The following NELL1 variants were observed in gnomAD, a reference collection of about 807,000 sequenced individuals.
The protein encoded by NELL1 is neural EGFL like 1.
In NELL1, 76 loss-of-function variants were observed where a neutral mutation model predicts 107.4. The ratio of observed to expected loss-of-function variants is 0.71; its 90% CI spans 0.59 to 0.86. The LOEUF is 0.86. NELL1 is among the 40% of genes least tolerant of loss of function. The pLI, the probability that NELL1 is intolerant of heterozygous loss-of-function variation, is 0.00. For synonymous variants in NELL1, 353 were observed against 341.2 expected, an observed-to-expected ratio of 1.03 and a Z score of -0.38; for missense variants, 1,024 against 1,005.5, an observed-to-expected ratio of 1.02 and a Z score of -0.25.
chr11:21,453,934 ATACTT>A (rs71443788), intron 15 of NELL1, among the ~76,000 whole-genome samples: 62,370 of 148,420 alleles, frequency 0.42, 13,275 homozygotes, highest in Middle Eastern at 0.49. Flanking sequence ...TTTTATTATT[ATACTT>A]TACTTTACTT....
chr11:21,300,963 T>C (rs147829183), intron 14 of NELL1, among the ~76,000 whole-genome samples: 2,409 of 152,226 alleles, frequency 0.016, 27 homozygotes, highest in Non-Finnish European at 0.025. Flanking sequence ...TTCTCATTGT[T>C]CAATTCCCAC....
At chr11:21,089,260 C>T (rs527395180) in intron 12 of NELL1, among the ~76,000 whole-genome samples, 101 of 152,314 alleles carry the variant, frequency 6.6e-4, no homozygotes, top group Middle Eastern at 3.4e-3. Flanking sequence ...GGTTTAATTA[C>T]ATTAATTTGT....
chr11:20,709,305 C>G (rs1855053844), intron 2 of NELL1, among the ~76,000 whole-genome samples: 1 of 152,090 alleles, frequency 6.6e-6, no homozygotes, highest in Non-Finnish European at 1.5e-5. Context: ...TATTCTTTCC[C>G]TACTTTGTAT....
intron 5 of NELL1, among the ~76,000 whole-genome samples, chr11:20,891,372 T>C (rs766630412): frequency 6.6e-6 from 1 of 151,848 alleles, no homozygotes; most frequent in Non-Finnish European, 1.5e-5. Context: ...ACAATAAATA[T>C]GGAAAGGAAA....
intron 4 of NELL1, among the ~76,000 whole-genome samples, chr11:20,873,008 T>A (rs1368200682): frequency 6.6e-6 from 1 of 152,208 alleles, no homozygotes; most frequent in Non-Finnish European, 1.5e-5. Flanking sequence ...GAGTCCTGGT[T>A]ACCAATGTCT....
At chr11:21,545,913 T>G (rs1856430315) in intron 16 of NELL1, among the ~76,000 whole-genome samples, 1 of 151,956 alleles carries the variant, frequency 6.6e-6, no homozygotes, top group South Asian at 2.1e-4. Flanking sequence ...GCTCTGTGGG[T>G]AAGGGCCTAG....
intron 14 of NELL1, among the ~76,000 whole-genome samples, chr11:21,296,186 T>C (rs1462566446): frequency 6.6e-6 from 1 of 151,924 alleles, no homozygotes; most frequent in Non-Finnish European, 1.5e-5. Context: ...TAATACCGGG[T>C]ATTATCCCAG....
At chr11:20,769,065 C>A (rs79718784) in intron 2 of NELL1, among the ~76,000 whole-genome samples, 29 of 151,750 alleles carry the variant, frequency 1.9e-4, no homozygotes, top group African/African-American at 6.8e-4. Flanking sequence ...AGAGAGAAAA[C>A]GACAAAGACT....
chr11:20,870,542 T>C (rs1248423424), intron 4 of NELL1, among the ~76,000 whole-genome samples: 4 of 152,146 alleles, frequency 2.6e-5, no homozygotes, highest in Non-Finnish European at 4.4e-5. Flanking sequence ...GATTTTCTTA[T>C]TATCATCCAT....
intron 15 of NELL1, among the ~76,000 whole-genome samples, chr11:21,380,623 C>T (rs1223421373): frequency 2.0e-5 from 3 of 151,998 alleles, no homozygotes; most frequent in Non-Finnish European, 4.4e-5. Flanking sequence ...ATGGGGTTGA[C>T]ACACAGTTCT....
chr11:21,451,678 A>G (rs1183896068), intron 15 of NELL1, among the ~76,000 whole-genome samples: 1 of 152,226 alleles, frequency 6.6e-6, no homozygotes, highest in East Asian at 1.9e-4. Context: ...GATTAAATGT[A>G]GACTGAAAGA....
intron 3 of NELL1, among the ~76,000 whole-genome samples, chr11:20,845,965 A>G (rs765061467): frequency 6.6e-6 from 1 of 152,202 alleles, no homozygotes; most frequent in Non-Finnish European, 1.5e-5. Context: ...CTTGACCTCT[A>G]AGTTCTCCGA....
chr11:21,340,296 G>A (rs1214972992), intron 14 of NELL1, among the ~76,000 whole-genome samples: 1 of 152,020 alleles, frequency 6.6e-6, no homozygotes, highest in Non-Finnish European at 1.5e-5. Flanking sequence ...GGGACTACAG[G>A]CGCCCACCGC....
At chr11:21,218,925 T>G (rs1322608616) in intron 13 of NELL1, among the ~76,000 whole-genome samples, 1 of 152,200 alleles carries the variant, frequency 6.6e-6, no homozygotes, top group East Asian at 1.9e-4. Context: ...TGTTGGCTAT[T>G]GTGAATAATG....
At chr11:20,763,698 C>G (rs1359313414) in intron 2 of NELL1, among the ~76,000 whole-genome samples, 5 of 152,320 alleles carry the variant, frequency 3.3e-5, no homozygotes, top group Admixed American at 3.3e-4. Context: ...TCTGCCGAGC[C>G]ACAGCGAGGG....
chr11:20,983,107 T>G (rs1010243638), intron 12 of NELL1, among the ~76,000 whole-genome samples: 1 of 152,186 alleles, frequency 6.6e-6, no homozygotes, highest in Non-Finnish European at 1.5e-5. Context: ...TGTGGCAAGT[T>G]ATTGAGCCTC....
chr11:21,055,848 T>A (rs1853602534), intron 12 of NELL1, among the ~76,000 whole-genome samples: 1 of 152,262 alleles, frequency 6.6e-6, no homozygotes, highest in Non-Finnish European at 1.5e-5. Flanking sequence ...CATTTAAAAA[T>A]GCTTTTTTGG....
chr11:20,688,146 T>C (rs184245514), intron 2 of NELL1, among the ~76,000 whole-genome samples: 231 of 152,248 alleles, frequency 1.5e-3, no homozygotes, highest in African/African-American at 5.2e-3. Context: ...GTTTTCGTAG[T>C]AGAATTTGTT....
At chr11:21,282,445 C>T in intron 14 of NELL1, among the ~76,000 whole-genome samples, 1 of 145,112 alleles carries the variant, frequency 6.9e-6, no homozygotes, top group African/African-American at 2.6e-5. Flanking sequence ...ATACCATGCA[C>T]TCCAGCAGGG....
Sources: allele counts gnomAD v4.1 joint callset (sites outside exome capture counted in the v4.1 genomes callset), GRCh38; gene constraint gnomAD v4.1.1; transcripts MANE v1.5; gene names NCBI Gene and HGNC (gene_info 2026-07-23, HGNC 2026-07-21).